Variants in DEPDC5 observed in about 807,000 individuals in gnomAD.
DEPDC5 encodes GATOR1 complex protein DEPDC5.
A neutral mutation model predicts 217.3 loss-of-function variants in DEPDC5; 73 were observed. The ratio of observed to expected loss-of-function variants is 0.34; its 90% CI spans 0.28 to 0.41. DEPDC5 has a LOEUF of 0.41. Among genes scored for constraint, DEPDC5 ranks in the 10% least tolerant of loss-of-function variants. The pLI, the probability that DEPDC5 is intolerant of heterozygous loss-of-function variation, is 1.00. For missense variants in DEPDC5, 1,675 were observed against 2,070.1 expected (o/e 0.81, Z 3.70); for synonymous variants, 733 against 756.7 (o/e 0.97, Z 0.51).
chr22:31,765,482 T>A (rs940983694), intron 5 of DEPDC5, among the ~76,000 whole-genome samples: 16 of 151,272 alleles, frequency 1.1e-4, no homozygotes, highest in African/African-American at 3.9e-4. Context: ...AGAGACAGGG[T>A]TTCACCATAT....
At chr22:31,880,266 C>T (rs920795018) in intron 38 of DEPDC5, 1 of 161,204 alleles carries the variant, frequency 6.2e-6, no homozygotes, top group Non-Finnish European at 1.4e-5. Context: ...GAAACACTTC[C>T]CTCCTTTCCA....
intron 37 of DEPDC5, among the ~76,000 whole-genome samples, chr22:31,878,727 G>A (rs1389184972): frequency 1.3e-5 from 2 of 151,886 alleles, no homozygotes; most frequent in African/African-American, 4.8e-5. Context: ...GAGAAAAAAA[G>A]AAATAAACTG....
intron 4 of DEPDC5, among the ~76,000 whole-genome samples, chr22:31,761,047 TC>T (rs1329592790): frequency 4.0e-5 from 6 of 151,768 alleles, no homozygotes; most frequent in Admixed American, 6.6e-5. Flanking sequence ...AGTGGCGCGA[TC>T]TCGGCTCACT....
At chr22:31,832,717 A>G (rs1037587222) in intron 24 of DEPDC5, among the ~76,000 whole-genome samples, 4 of 152,154 alleles carry the variant, frequency 2.6e-5, no homozygotes, top group Non-Finnish European at 5.9e-5. Context: ...ATCTTTTAAT[A>G]TACTTATGTT....
chr22:31,852,193 A>G (rs1209820512), intron 31 of DEPDC5, among the ~76,000 whole-genome samples: 1 of 152,154 alleles, frequency 6.6e-6, no homozygotes, highest in East Asian at 1.9e-4. Flanking sequence ...TTTATTAGAA[A>G]ATTTCAAAGG....
chr22:31,813,985 A>C (rs1166676787), intron 20 of DEPDC5: 1 of 152,122 alleles, frequency 6.6e-6, no homozygotes, highest in East Asian at 1.9e-4. Flanking sequence ...ATACGAAAAA[A>C]GTACCCAGGC....
Position 31,901,807 on chromosome 22 carries a change from G to T in DEPDC5, c.4436+5G>T. On this transcript the variant is annotated splice_donor_5th_base_variant and intron_variant, in intron 41 of 42. Coordinates refer to ENST00000651528, the MANE Select transcript of DEPDC5 (RefSeq NM_001242896.3). ...CCAGGAAGCCATTGCACACAGGTTT[G>T]TCCCTTAGCAAGTGTGAAGAGTGGG... The T allele has an allele frequency of 6.2e-7, 1 of 1,612,944 alleles. No homozygotes were observed. The highest frequency in any genetic ancestry group is 8.5e-7 in the Non-Finnish European group (1 of 1,179,370).
At chr22:31,805,498 C>G (rs1245369465) in intron 17 of DEPDC5, among the ~76,000 whole-genome samples, 3 of 151,630 alleles carry the variant, frequency 2.0e-5, no homozygotes, top group Non-Finnish European at 4.4e-5. Flanking sequence ...GGTTGTCTTT[C>G]TTTCTTTCTT....
chr22:31,781,535 C>T (rs1031692245), intron 8 of DEPDC5, among the ~76,000 whole-genome samples: 16 of 152,006 alleles, frequency 1.1e-4, no homozygotes, highest in East Asian at 1.9e-4. Flanking sequence ...GGGGTTCAAG[C>T]GATTCTCTTG....
intron 10 of DEPDC5, among the ~76,000 whole-genome samples, chr22:31,788,397 CT>C (rs1184951324): frequency 3.3e-5 from 5 of 150,910 alleles, no homozygotes; most frequent in African/African-American, 1.2e-4. Context: ...CCTCAGCCTC[CT>C]ATAGTAGCTA....
At chr22:31,802,572 T>A in intron 14 of DEPDC5, 132 bp from the exon 15 acceptor site, 1 of 1,069,344 alleles carries the variant, frequency 9.4e-7, no homozygotes, top group South Asian at 1.9e-5. Context: ...TGCGTATACA[T>A]TTAACTAGAA....
intron 7 of DEPDC5, among the ~76,000 whole-genome samples, chr22:31,775,320 C>T (rs1180381092): frequency 2.0e-5 from 3 of 152,070 alleles, no homozygotes; most frequent in African/African-American, 7.2e-5. Context: ...GCTGGGATTA[C>T]AGGCACCTGC....
chr22:31,806,258 C>A, intron 18 of DEPDC5, 67 bp downstream of exon 18: 1 of 1,367,020 alleles, frequency 7.3e-7, no homozygotes, highest in Non-Finnish European at 1.0e-6. Flanking sequence ...AGCTCCTGGA[C>A]TCAATCAGTC....
intron 24 of DEPDC5, among the ~76,000 whole-genome samples, chr22:31,828,756 A>C (rs2090358849): frequency 6.6e-6 from 1 of 152,166 alleles, no homozygotes; most frequent in Non-Finnish European, 1.5e-5. Context: ...AAGTGTATTG[A>C]ACTCTAGGCA....
At position 31,758,622 on chromosome 22, in the gene DEPDC5, C is replaced by T. The variant is rs368243595; in HGVS notation, c.135C>T (p.Asn45=). 85 of 1,613,894 alleles carry T rather than the reference C, an allele frequency of 5.3e-5. No homozygotes were observed. The highest frequency in any genetic ancestry group is 1.2e-4 in the African/African-American group (9 of 74,908). Residue 45 remains asparagine (N), a synonymous_variant, in exon 3 of 43, where the codon AAC becomes AAT. Transcript: ENST00000651528. ...ACATTGTAGAGATTGCACACCCCAA[C>T]GATGAATACAGGTGAGTGTCTCATA... ...LGDIVEIAHP[N]DEYSPLLLQV...
chr22:31,766,726 G>A, intron 6 of DEPDC5, 58 bp downstream of exon 6: 11 of 1,438,686 alleles, frequency 7.6e-6, no homozygotes, highest in Non-Finnish European at 9.7e-6. Context: ...AATAATCCCT[G>A]TTTATTATGG....
chr22:31,756,038 ATTTTTT>A (rs35222514), intron 2 of DEPDC5, among the ~76,000 whole-genome samples: 1 of 116,864 alleles, frequency 8.6e-6, no homozygotes, highest in African/African-American at 3.2e-5. Context: ...ACACCTGGCT[ATTTTTT>A]TTTTTTTTTT....
chr22:31,801,089 TCAAGA>T (rs2086824317), intron 14 of DEPDC5, among the ~76,000 whole-genome samples: 1 of 151,112 alleles, frequency 6.6e-6, no homozygotes, highest in East Asian at 1.9e-4. Context: ...GGTCAGGAGC[TCAAGA>T]GCAGCCTGGC....
At chr22:31,820,149 T>C (rs2089541633) in intron 22 of DEPDC5, among the ~76,000 whole-genome samples, 1 of 152,128 alleles carries the variant, frequency 6.6e-6, no homozygotes, top group South Asian at 2.1e-4. Context: ...TCTCACTCTG[T>C]TACGTAGGCT....
Sources: allele counts gnomAD v4.1 joint callset (sites outside exome capture counted in the v4.1 genomes callset), GRCh38; gene constraint gnomAD v4.1.1; transcripts MANE v1.5; gene names NCBI Gene and HGNC (gene_info 2026-07-23, HGNC 2026-07-21).